SLC25A25: variants seen among roughly 807,000 people sequenced by gnomAD.
The protein encoded by SLC25A25 is solute carrier family 25 member 25.
SLC25A25 carries 32 observed loss-of-function variants against 57.7 expected under a neutral mutation model. That is an observed-to-expected ratio of 0.55 (90% confidence interval 0.42 to 0.74). The LOEUF (loss-of-function observed/expected upper bound fraction) is 0.74. SLC25A25 is among the 30% of genes least tolerant of loss of function. The probability of loss-of-function intolerance (pLI) is 0.00; values close to 1 mark genes in which losing one functional copy is unlikely to be tolerated. For missense variants in SLC25A25, 556 were observed against 701.3 expected, an observed-to-expected ratio of 0.79 and a Z score of 2.34; for synonymous variants, 306 against 291.2, an observed-to-expected ratio of 1.05 and a Z score of -0.52.
Position 128,106,273 on chromosome 9 carries a change from G to A in SLC25A25, c.1044+16G>A. On this transcript the variant is annotated intron_variant, in intron 8 of 10. Coordinates refer to ENST00000373069, the MANE Select transcript of SLC25A25 (RefSeq NM_001330988.2). ...CCCAATGGAGGTGAGGGGCCGCCTG[G>A]GTCCTGGGGCGGGCAGTGGGCACAG... 2 of 1,613,830 alleles carry A rather than the reference G, an allele frequency of 1.2e-6. No individual in the cohort carries two copies. The highest frequency in any genetic ancestry group is 2.2e-5 in the South Asian group (2 of 91,084).
chr9:128,080,420 AGTGGAATGGTCCT>A (rs904074623), intron 1 of SLC25A25, among the ~76,000 whole-genome samples: 1 of 150,506 alleles, frequency 6.6e-6, no homozygotes, highest in African/African-American at 2.4e-5. Flanking sequence ...GATAGGACAC[AGTGGAATGGTCCT>A]GTTGGTTAAA....
At chr9:128,092,187 A>G in intron 1 of SLC25A25, 3 of 1,370,962 alleles carry the variant, frequency 2.2e-6, no homozygotes, top group South Asian at 2.9e-5. Context: ...AGAACTCACA[A>G]CGTTAGTTCG....
At chr9:128,091,532 C>T (rs1833403451) in intron 1 of SLC25A25, 1 of 995,158 alleles carries the variant, frequency 1.0e-6, no homozygotes, top group Non-Finnish European at 1.2e-6. Flanking sequence ...GCTTGGCTGT[C>T]GCGTTTTCCT....
At chr9:128,084,987 AC>A (rs1017975711) in intron 1 of SLC25A25, among the ~76,000 whole-genome samples, 9 of 152,182 alleles carry the variant, frequency 5.9e-5, no homozygotes, top group African/African-American at 2.2e-4. Flanking sequence ...AAAGAAATGT[AC>A]TATATTAACC....
chr9:128,100,837 C>T, intron 1 of SLC25A25: 1 of 481,586 alleles, frequency 2.1e-6, no homozygotes, highest in South Asian at 2.3e-5. Context: ...TCCCAGGCTC[C>T]TTGTTTCCTC....
At chr9:128,076,209 G>A (rs1213607128) in intron 1 of SLC25A25, among the ~76,000 whole-genome samples, 4 of 151,948 alleles carry the variant, frequency 2.6e-5, no homozygotes, top group Admixed American at 1.3e-4. Context: ...ACAGCTCACC[G>A]CAGCTTTGAC....
chr9:128,098,622 A>G (rs746629576), intron 1 of SLC25A25: 1 of 1,614,136 alleles, frequency 6.2e-7, no homozygotes. Flanking sequence ...ACCGAGTTCC[A>G]GTACTTTGAG....
chr9:128,103,578 T>C lies in SLC25A25; in HGVS notation c.625-103T>C, dbSNP rs945548395. On this transcript the variant is annotated intron_variant, in intron 5 of 10. Transcript: ENST00000373069. The surrounding 1 kb of genome is among the most constrained non-coding windows in gnomAD (Gnocchi z 6.7). ...AGAGTCCTTGGCCTTCTCCCTGTCC[T>C]GTGGTCCCTGGCCTGGAGCCGTGCT... is the stretch of plus-strand genomic sequence containing the variant. 1.2e-5 allele frequency: 17 copies of C among 1,463,212 alleles called. No homozygotes were observed. The Admixed American group carries it at 2.8e-4, about 24-fold the overall frequency. The allele number at this position is 1,463,212 out of a possible 1,614,324, so 90.6% of individuals were successfully genotyped here.
In SLC25A25 at chr9:128,100,926, T is replaced by A. The variant is rs116967765; in HGVS notation, c.262-170T>A. 1,294 of 850,472 alleles carry A rather than the reference T, an allele frequency of 1.5e-3. 24 individuals are homozygous for A. In the East Asian group the frequency reaches 0.033, roughly 22 times the overall value. 52.7% of individuals were successfully genotyped at this position (850,472 alleles called of 1,614,324 possible). ...GGGGTTCTAGGTGGTGGCTCTGGCA[T>A]GTAAGTCGATTGCCATGGTGGCTCT... is the stretch of plus-strand genomic sequence containing the variant. On this transcript the variant is annotated intron_variant, in intron 1 of 10. Transcript: ENST00000373069.
chr9:128,082,948 G>A (rs999876300), intron 1 of SLC25A25, among the ~76,000 whole-genome samples: 2 of 152,022 alleles, frequency 1.3e-5, no homozygotes, highest in Admixed American at 6.6e-5. Context: ...TTTTGTTTGA[G>A]GCCGGGCGCA....
chr9:128,081,594 C>T (rs928375162), intron 1 of SLC25A25, among the ~76,000 whole-genome samples: 1 of 152,028 alleles, frequency 6.6e-6, no homozygotes, highest in South Asian at 2.1e-4. Flanking sequence ...GTGCACATGT[C>T]TAATCTAAAG....
intron 1 of SLC25A25, 140 bp downstream of exon 1, chr9:128,068,720 C>A (rs927546353): frequency 4.2e-5 from 41 of 967,770 alleles, no homozygotes; most frequent in Non-Finnish European, 5.4e-5. Flanking sequence ...CTGAGGGACA[C>A]CCCACTTATG....
chr9:128,068,458 C>G lies in SLC25A25; in HGVS notation c.139C>G (p.Arg47Gly). ...GGAICGGPDH[R>G]LRLWRLFQTL... ...CGCTATCTGCGGGGGCCCGGACCAC[C>G]GGCTGCGCCTGTGGAGACTCTTTCA... Residue 47 changes from arginine (R) to glycine (G), a missense_variant, in exon 1 of 11, where the codon CGG becomes GGG. Transcript: ENST00000373069. The G allele has an allele frequency of 6.4e-7, 1 of 1,556,318 alleles. No individual in the cohort carries two copies. The highest frequency in any genetic ancestry group is 8.6e-7 in the Non-Finnish European group (1 of 1,161,822).
intron 1 of SLC25A25, among the ~76,000 whole-genome samples, chr9:128,083,959 C>T (rs935833112): frequency 6.6e-6 from 1 of 152,150 alleles, no homozygotes; most frequent in Non-Finnish European, 1.5e-5. Flanking sequence ...CTCCAATTGT[C>T]TTTGTGTGTG....
chr9:128,107,941 G>C lies in SLC25A25; in HGVS notation c.*497G>C. 1 of 399,166 alleles carries C rather than the reference G, an allele frequency of 2.5e-6. No homozygotes were observed. The highest frequency in any genetic ancestry group is 3.6e-5 in the East Asian group (1 of 28,080). 24.7% of individuals were successfully genotyped at this position (399,166 alleles called of 1,614,324 possible). On this transcript the variant is annotated 3_prime_UTR_variant, in exon 11 of 11. Transcript: ENST00000373069. ...TCCAATCCCATAATCCATGATGAAA[G>C]GTGAGGTCACGTGGCCTCCCAGGCC...
At chr9:128,083,445 TAA>T (rs1453786855) in intron 1 of SLC25A25, among the ~76,000 whole-genome samples, 1 of 151,642 alleles carries the variant, frequency 6.6e-6, no homozygotes, top group Non-Finnish European at 1.5e-5. Context: ...GTTAACTTTC[TAA>T]AAAGTGTTAC....
At chr9:128,080,510 C>T (rs773667264) in intron 1 of SLC25A25, among the ~76,000 whole-genome samples, 12 of 140,654 alleles carry the variant, frequency 8.5e-5, no homozygotes, top group Non-Finnish European at 1.8e-4. Flanking sequence ...CGGAGTTTTG[C>T]TCTCATTGCC....
At chr9:128,082,341 G>A (rs1478957939) in intron 1 of SLC25A25, among the ~76,000 whole-genome samples, 1 of 152,162 alleles carries the variant, frequency 6.6e-6, no homozygotes, top group African/African-American at 2.4e-5. Flanking sequence ...GTGAGTTGTG[G>A]CTCCTCTTCA....
chr9:128,093,500 T>C (rs968106173), intron 1 of SLC25A25, among the ~76,000 whole-genome samples: 6 of 152,232 alleles, frequency 3.9e-5, no homozygotes, highest in Non-Finnish European at 7.3e-5. Flanking sequence ...CTGCCTAGGA[T>C]AGGACTGTCT....
Sources: gnomAD v4.1 joint callset for allele counts (sites outside exome capture counted in the v4.1 genomes callset) on GRCh38, gnomAD v4.1.1 for gene constraint, Gnocchi (gnomAD v3.1) non-coding constraint, MANE v1.5 for transcripts, NCBI Gene and HGNC (gene_info 2026-07-23, HGNC 2026-07-21) for gene names.